Variants in VSTM2L observed in about 807,000 individuals in gnomAD.
VSTM2L encodes the protein V-set and transmembrane domain-containing protein 2-like protein.
VSTM2L carries 9 observed loss-of-function variants against 19.9 expected under a neutral mutation model. That is an observed-to-expected ratio of 0.45 (90% CI 0.27 to 0.79). The LOEUF (loss-of-function observed/expected upper bound fraction) is 0.79, where lower values mean the gene tolerates loss of function less well. Among genes scored for constraint, VSTM2L ranks in the 30% least tolerant of loss-of-function variants. The probability of loss-of-function intolerance (pLI) is 0.15; values close to 1 mark genes in which losing one functional copy is unlikely to be tolerated. For synonymous variants in VSTM2L, 127 were observed against 133.8 expected (o/e 0.95, Z 0.35); for missense variants, 286 against 295.5 (o/e 0.97, Z 0.24).
chr20:37,943,960 C>A, intron 3 of VSTM2L, 21 bp from the exon 4 acceptor site: 1 of 1,212,508 alleles, frequency 8.2e-7, no homozygotes, highest in South Asian at 1.5e-5. Context: ...GGACAGGTCA[C>A]GGTCTCTCTG....
chr20:37,906,418 T>C lies in VSTM2L; in HGVS notation c.121+2947T>C, dbSNP rs1271852614. ...CAATAAACAGGAGTGATTTTGATTT[T>C]TTCTTATCAGAAAATGTTAACTCAT... is the stretch of plus-strand genomic sequence containing the variant. On this transcript the variant is annotated intron_variant, in intron 1 of 3. Coordinates refer to ENST00000373461, the MANE Select transcript of VSTM2L (RefSeq NM_080607.3). Among the ~76,000 whole-genome samples the C allele has an allele frequency of 5.3e-5, 8 of 152,338 alleles. No homozygotes were observed. In the East Asian group the frequency reaches 1.2e-3, roughly 22 times the overall value.
At chr20:37,943,913 C>A (rs994011352) in intron 3 of VSTM2L, 68 bp from the exon 4 acceptor site, 2 of 677,902 alleles carry the variant, frequency 3.0e-6, no homozygotes, top group East Asian at 4.1e-5. Context: ...TTGGGACCCC[C>A]CCCCCCGACT....
chr20:37,915,280 AC>A (rs959912401), intron 1 of VSTM2L, among the ~76,000 whole-genome samples: 4 of 151,900 alleles, frequency 2.6e-5, no homozygotes, highest in African/African-American at 9.7e-5. Context: ...CCCGGGCCCC[AC>A]CCGCGCTGCT....
intron 1 of VSTM2L, among the ~76,000 whole-genome samples, chr20:37,924,646 T>C (rs1476288207): frequency 6.6e-6 from 1 of 151,624 alleles, no homozygotes; most frequent in African/African-American, 2.4e-5. Context: ...TAGTCTTTAT[T>C]TCTTAGAGAT....
At chr20:37,915,501 G>A (rs1030743538) in intron 1 of VSTM2L, among the ~76,000 whole-genome samples, 3 of 152,042 alleles carry the variant, frequency 2.0e-5, no homozygotes, top group African/African-American at 7.2e-5. Context: ...GGAGGTGACA[G>A]GAGAGCAGCC....
chr20:37,934,776 C>G (rs1332015377), intron 3 of VSTM2L, among the ~76,000 whole-genome samples: 1 of 152,030 alleles, frequency 6.6e-6, no homozygotes, highest in Non-Finnish European at 1.5e-5. Context: ...GCAGAGAGGC[C>G]AGGGAGGAGG....
Position 37,944,335 on chromosome 20 carries a change from C to A in VSTM2L, c.*82C>A. 1 of 1,330,876 alleles carries A rather than the reference C, an allele frequency of 7.5e-7. No individual in the cohort carries two copies. The highest frequency in any genetic ancestry group is 9.8e-7 in the Non-Finnish European group (1 of 1,022,022). The allele number at this position is 1,330,876 out of a possible 1,614,324, so 82.4% of individuals were successfully genotyped here. A position where few individuals can be genotyped will look rare whatever the true frequency, so the allele number is the denominator to read the frequency against. On this transcript the variant is annotated 3_prime_UTR_variant, in exon 4 of 4. Coordinates refer to ENST00000373461, the MANE Select transcript of VSTM2L (RefSeq NM_080607.3). ...CCGCCGGACCACCGGGGACCGACTG[C>A]CTGCGTCCAGCCGCGCCCCATCCCC... is the stretch of plus-strand genomic sequence containing the variant.
At position 37,944,887 on chromosome 20, in the gene VSTM2L, G is replaced by A. The variant is rs2295378; in HGVS notation, c.*634G>A. ...CCCTGTGCGACCCTCCAGGGATGCA[G>A]GGGATCCAGGATTCTCTGCCCTGTC... On this transcript the variant is annotated 3_prime_UTR_variant, in exon 4 of 4. Coordinates refer to ENST00000373461, the MANE Select transcript of VSTM2L (RefSeq NM_080607.3). The A allele has an allele frequency of 6.1e-6, 6 of 985,972 alleles. No individual in the cohort carries two copies. In the East Asian group the frequency reaches 6.8e-4, roughly 112 times the overall value. The allele number at this position is 985,972 out of a possible 1,614,324, so 61.1% of individuals were successfully genotyped here. A position where few individuals can be genotyped will look rare whatever the true frequency, so the allele number is the denominator to read the frequency against.
Position 37,944,799 on chromosome 20 carries a change from A to G in VSTM2L, c.*546A>G. 1.0e-6 allele frequency: 1 copy of G among 986,198 alleles called. No homozygotes were observed. The highest frequency in any genetic ancestry group is 1.2e-6 in the Non-Finnish European group (1 of 830,320). The allele number at this position is 986,198 out of a possible 1,614,324, so 61.1% of individuals were successfully genotyped here. A position where few individuals can be genotyped will look rare whatever the true frequency, so the allele number is the denominator to read the frequency against. On this transcript the variant is annotated 3_prime_UTR_variant, in exon 4 of 4. Coordinates refer to ENST00000373461, the MANE Select transcript of VSTM2L (RefSeq NM_080607.3). ...GGGCAGTGGCTCTGCAGGGTCACTC[A>G]TGGAGGCCTAGGGGAACAGCGAGAT...
chr20:37,932,251 A>G (rs1474300777), intron 2 of VSTM2L, among the ~76,000 whole-genome samples: 1 of 152,156 alleles, frequency 6.6e-6, no homozygotes, highest in African/African-American at 2.4e-5. Context: ...TACGTGCACC[A>G]GGCTCCCAGC....
intron 1 of VSTM2L, among the ~76,000 whole-genome samples, chr20:37,918,617 G>A (rs2072833403): frequency 6.6e-6 from 1 of 152,200 alleles, no homozygotes; most frequent in South Asian, 2.1e-4. Context: ...AAGTAAAAGG[G>A]GAAAGATGCT....
intron 1 of VSTM2L, among the ~76,000 whole-genome samples, chr20:37,913,984 G>A (rs189079825): frequency 5.2e-4 from 79 of 152,242 alleles, no homozygotes; most frequent in African/African-American, 1.7e-3. Flanking sequence ...GGGCGTGCAC[G>A]GACAGGAGAG....
At chr20:37,933,488 C>CCGT in intron 2 of VSTM2L, 51 bp from the exon 3 acceptor site, 1 of 1,491,012 alleles carries the variant, frequency 6.7e-7, no homozygotes, top group Non-Finnish European at 9.3e-7. Context: ...CACCCCCACC[C>CCGT]TGTGCTAACA....
intron 3 of VSTM2L, among the ~76,000 whole-genome samples, chr20:37,935,083 C>T (rs1433815835): frequency 6.6e-6 from 1 of 152,130 alleles, no homozygotes; most frequent in Non-Finnish European, 1.5e-5. Flanking sequence ...GTTTAAGGAG[C>T]GGCTCTGGCA....
intron 3 of VSTM2L, among the ~76,000 whole-genome samples, chr20:37,935,473 C>G (rs1166484081): frequency 6.6e-6 from 1 of 152,168 alleles, no homozygotes; most frequent in Non-Finnish European, 1.5e-5. Context: ...CCTGACCTCA[C>G]CCCCCTTCCC....
Position 37,943,998 on chromosome 20 carries a change from C to T in VSTM2L, c.360C>T (p.Gly120=), listed in dbSNP as rs1337631318. 1 of 1,433,478 alleles carries T rather than the reference C, an allele frequency of 7.0e-7. No homozygotes were observed. Among genetic ancestry groups the T allele is most frequent in the Non-Finnish European group, 9.4e-7 (1 of 1,066,520 alleles). The allele number at this position is 1,433,478 out of a possible 1,614,324, so 88.8% of individuals were successfully genotyped here. A position where few individuals can be genotyped will look rare whatever the true frequency, so the allele number is the denominator to read the frequency against. ...ATKISVVKVV[G]SNISHKLRLS... is the part of the protein sequence containing the mutation. ...ACCCCCAGGTGGTCAAGGTGGTGGG[C>T]AGCAACATCTCCCACAAGCTGCGCC... The change falls in exon 4 of 4, where the codon GGC becomes GGT. Residue 120 remains glycine (G), a synonymous_variant. Transcript: ENST00000373461.
intron 1 of VSTM2L, among the ~76,000 whole-genome samples, chr20:37,905,626 C>A (rs2072747732): frequency 6.6e-6 from 1 of 152,186 alleles, no homozygotes. Flanking sequence ...AGCCACCCCT[C>A]TGGGTCTCCC....
chr20:37,916,998 C>A (rs73096423), intron 1 of VSTM2L, among the ~76,000 whole-genome samples: 1 of 151,926 alleles, frequency 6.6e-6, no homozygotes, highest in Non-Finnish European at 1.5e-5. Context: ...GCACTAGATG[C>A]GACTCAATTG....
chr20:37,916,089 T>A (rs1372160386), intron 1 of VSTM2L, among the ~76,000 whole-genome samples: 1 of 152,114 alleles, frequency 6.6e-6, no homozygotes, highest in Non-Finnish European at 1.5e-5. Context: ...TCTTAGCCCC[T>A]CCCGGCAGCA....
Sources: gnomAD v4.1 joint callset for allele counts (sites outside exome capture counted in the v4.1 genomes callset) on GRCh38, gnomAD v4.1.1 for gene constraint, MANE v1.5 for transcripts, NCBI Gene and HGNC (gene_info 2026-07-23, HGNC 2026-07-21) for gene names.